Variants in ENOX1 observed in about 807,000 individuals in gnomAD.
ENOX1 encodes the protein candidate growth-related and time keeping constitutive hydroquinone (NADH) oxidase.
A neutral mutation model predicts 82.5 loss-of-function variants in ENOX1; 42 were observed. The observed-to-expected ratio is 0.51, with a 90% confidence interval of 0.40 to 0.66. The LOEUF (loss-of-function observed/expected upper bound fraction) is 0.66. ENOX1 is among the 30% of genes least tolerant of loss of function. ENOX1 has a pLI of 0.00. For missense variants in ENOX1, 608 were observed against 811.6 expected, an observed-to-expected ratio of 0.75 and a Z score of 3.05; for synonymous variants, 271 against 282.2, an observed-to-expected ratio of 0.96 and a Z score of 0.40.
At chr13:43,345,582 T>C (rs558001441) in intron 8 of ENOX1, among the ~76,000 whole-genome samples, 2 of 152,268 alleles carry the variant, frequency 1.3e-5, no homozygotes, top group African/African-American at 4.8e-5. Flanking sequence ...CAAACCCGTG[T>C]TGTATGGCTT....
At chr13:43,611,358 G>A (rs2082193100) in intron 2 of ENOX1, among the ~76,000 whole-genome samples, 1 of 152,200 alleles carries the variant, frequency 6.6e-6, no homozygotes, top group Non-Finnish European at 1.5e-5. Flanking sequence ...TGAAGGGTTT[G>A]AAGCAAGGAT....
At chr13:43,354,981 T>C (rs1308583640) in intron 8 of ENOX1, among the ~76,000 whole-genome samples, 2 of 152,256 alleles carry the variant, frequency 1.3e-5, no homozygotes, top group Non-Finnish European at 2.9e-5. Flanking sequence ...ATATTGCATT[T>C]ACCTTGGTTG....
intron 1 of ENOX1, among the ~76,000 whole-genome samples, chr13:43,756,976 A>ACAAC (rs769130265): frequency 0.013 from 1,974 of 149,174 alleles, 57 homozygotes; most frequent in African/African-American, 0.038. Context: ...CAACAACAAA[A>ACAAC]AAAAAAAAAA....
At chr13:43,216,111 T>A (rs2041466116) in intron 16 of ENOX1, among the ~76,000 whole-genome samples, 1 of 152,202 alleles carries the variant, frequency 6.6e-6, no homozygotes, top group Non-Finnish European at 1.5e-5. Flanking sequence ...GGCAGAAGAA[T>A]CGCTTGAACC....
At chr13:43,758,364 A>G (rs554904413) in intron 1 of ENOX1, among the ~76,000 whole-genome samples, 1 of 151,720 alleles carries the variant, frequency 6.6e-6, no homozygotes, top group African/African-American at 2.4e-5. Flanking sequence ...TGCTGAGAGG[A>G]AAAAAAAAGA....
intron 2 of ENOX1, among the ~76,000 whole-genome samples, chr13:43,492,682 C>T (rs2076662349): frequency 6.6e-6 from 1 of 152,194 alleles, no homozygotes; most frequent in South Asian, 2.1e-4. Context: ...TAAATACTTG[C>T]CTCATTCTGT....
chr13:43,258,196 T>C (rs2043857768), intron 14 of ENOX1, among the ~76,000 whole-genome samples: 1 of 152,214 alleles, frequency 6.6e-6, no homozygotes, highest in African/African-American at 2.4e-5. Context: ...CTGTCTGTTT[T>C]TGACAGCAGT....
chr13:43,516,688 A>G (rs933959275), intron 2 of ENOX1, among the ~76,000 whole-genome samples: 4 of 152,196 alleles, frequency 2.6e-5, no homozygotes, highest in Non-Finnish European at 5.9e-5. Flanking sequence ...TTGGTATTTT[A>G]TCTAGCTTGT....
intron 1 of ENOX1, among the ~76,000 whole-genome samples, chr13:43,755,277 A>G (rs1017342064): frequency 1.3e-5 from 2 of 152,182 alleles, no homozygotes; most frequent in East Asian, 3.9e-4. Context: ...TATGAATGAC[A>G]TGCTATATGA....
chr13:43,764,845 ACT>A (rs1251372343), intron 1 of ENOX1, among the ~76,000 whole-genome samples: 4 of 152,254 alleles, frequency 2.6e-5, no homozygotes, highest in African/African-American at 9.6e-5. Flanking sequence ...CTTAAAAAAC[ACT>A]GTCTCCTTCA....
At chr13:43,218,807 T>C (rs1404856791) in intron 16 of ENOX1, among the ~76,000 whole-genome samples, 2 of 152,220 alleles carry the variant, frequency 1.3e-5, no homozygotes, top group East Asian at 3.8e-4. Flanking sequence ...CTTTTGGGAT[T>C]TTTAAGACAA....
intron 5 of ENOX1, chr13:43,394,640 A>T (rs1456250925): frequency 6.6e-6 from 1 of 152,366 alleles, no homozygotes; most frequent in Non-Finnish European, 1.5e-5. Flanking sequence ...AAGCACACCA[A>T]GTTCATGGGA....
chr13:43,630,655 T>TA (rs11356628), intron 2 of ENOX1, among the ~76,000 whole-genome samples: 47 of 135,618 alleles, frequency 3.5e-4, no homozygotes, highest in East Asian at 6.4e-4. Context: ...CTTCTCAAAC[T>TA]AAAAAAAAAA....
chr13:43,246,123 G>A (rs2153464448), intron 14 of ENOX1, among the ~76,000 whole-genome samples: 1 of 152,322 alleles, frequency 6.6e-6, no homozygotes, highest in East Asian at 1.9e-4. Context: ...TGCAGGAAGT[G>A]TTATAAGCAC....
At chr13:43,640,812 A>G (rs894405909) in intron 2 of ENOX1, among the ~76,000 whole-genome samples, 16 of 152,194 alleles carry the variant, frequency 1.1e-4, no homozygotes, top group Admixed American at 9.2e-4. Flanking sequence ...TTTAATTGTT[A>G]AGATTTAAAT....
At chr13:43,771,504 A>C (rs1487724966) in intron 1 of ENOX1, among the ~76,000 whole-genome samples, 1 of 152,034 alleles carries the variant, frequency 6.6e-6, no homozygotes, top group East Asian at 1.9e-4. Context: ...AATTAAGTAC[A>C]TTATATACAT....
intron 14 of ENOX1, among the ~76,000 whole-genome samples, chr13:43,264,848 G>A (rs993839343): frequency 2.0e-5 from 3 of 152,214 alleles, no homozygotes; most frequent in Non-Finnish European, 4.4e-5. Context: ...CACTAAGAGA[G>A]GAAGTCACGG....
intron 1 of ENOX1, among the ~76,000 whole-genome samples, chr13:43,733,779 T>C (rs1353806462): frequency 2.0e-5 from 3 of 152,192 alleles, no homozygotes; most frequent in Non-Finnish European, 4.4e-5. Flanking sequence ...AATCTGACTT[T>C]ATTTGGGAAT....
At chr13:43,546,056 T>C (rs1051706412) in intron 2 of ENOX1, 3 of 152,206 alleles carry the variant, frequency 2.0e-5, no homozygotes, top group African/African-American at 7.2e-5. Context: ...CAGTGTTAAT[T>C]GAATCTCTAT....
Sources: gnomAD v4.1 joint callset for allele counts (sites outside exome capture counted in the v4.1 genomes callset) on GRCh38, gnomAD v4.1.1 for gene constraint, MANE v1.5 for transcripts, NCBI Gene and HGNC (gene_info 2026-07-23, HGNC 2026-07-21) for gene names.